The following PARP16 variants were observed in gnomAD, a reference collection of about 807,000 sequenced individuals.
PARP16 encodes poly(ADP-ribose) polymerase family member 16, also known as protein mono-ADP-ribosyltransferase PARP16.
In PARP16, 31 loss-of-function variants were observed where a neutral mutation model predicts 35.0. The ratio of observed to expected loss-of-function variants is 0.88; its 90% CI spans 0.66 to 1.19. The LOEUF (loss-of-function observed/expected upper bound fraction) is 1.19, where lower values mean the gene tolerates loss of function less well. Ranked by LOEUF, PARP16 falls within the 50% of genes most tolerant of loss-of-function variation. PARP16 has a pLI of 0.00. For missense variants in PARP16, 424 were observed against 411.2 expected, an observed-to-expected ratio of 1.03 and a Z score of -0.27; for synonymous variants, 162 against 169.5, an observed-to-expected ratio of 0.96 and a Z score of 0.34.
chr15:65,236,025 T>A (rs916275887), intron 3 of PARP16, among the ~76,000 whole-genome samples: 1 of 151,798 alleles, frequency 6.6e-6, no homozygotes, highest in African/African-American at 2.4e-5. Context: ...GCCCAGCTAT[T>A]TTTTTGTATT....
At chr15:65,269,486 G>A (rs961384521) in intron 2 of PARP16, among the ~76,000 whole-genome samples, 3 of 152,118 alleles carry the variant, frequency 2.0e-5, no homozygotes, top group East Asian at 1.9e-4. Context: ...ATGAGCTACC[G>A]CACCCAGCCA....
downstream of PARP16, among the ~76,000 whole-genome samples, chr15:65,255,773 AAG>A (rs1463856675): frequency 6.6e-6 from 1 of 151,798 alleles, no homozygotes; most frequent in Non-Finnish European, 1.5e-5. Context: ...AAAAAAAAAA[AAG>A]ACAGGGCTAG....
rs367808430 is a variant in PARP16, at chr15:65,239,955, C to CTTTTTTTTTTT, written c.*98-5143_*98-5133dup. ...ACAGGCGTGAGCCACCGCGTCTGAC[C>CTTTTTTTTTTT]TTTTTTTTTTTTTTTTTTTAAATAC... On this transcript the variant is annotated intron_variant and NMD_transcript_variant, in intron 3 of 3. Coordinates refer to the PARP16 transcript ENST00000559805. Among the ~76,000 whole-genome samples, 133 of 81,708 alleles carry CTTTTTTTTTTT rather than the reference C, an allele frequency of 1.6e-3. 11 individuals are homozygous for CTTTTTTTTTTT. The highest frequency in any genetic ancestry group is 5.1e-3 in the African/African-American group (87 of 17,132). 53.6% of individuals were successfully genotyped at this position (81,708 alleles called of 152,430 possible).
chr15:65,266,846 A>G (rs1430654592), intron 2 of PARP16, 78 bp from the exon 3 acceptor site: 5 of 1,004,790 alleles, frequency 5.0e-6, no homozygotes, highest in Non-Finnish European at 7.7e-6. Context: ...CTAAACTCTC[A>G]GGCTTAACTC....
chr15:65,286,480 G>GC lies in PARP16; in HGVS notation c.-55dup, dbSNP rs1459306105. ...ACGCGCTGGTTAGGGGCAAGGGCGA[G>GC]CGTGCGTTCAGCGCGGGGGCTGGGC... On this transcript the variant is annotated 5_prime_UTR_variant, in exon 1 of 6. Coordinates refer to ENST00000649807, the MANE Select transcript of PARP16 (RefSeq NM_001316943.2). 26 of 1,333,668 alleles carry GC rather than the reference G, an allele frequency of 1.9e-5. No homozygotes were observed. The East Asian group carries it at 5.1e-4, about 26-fold the overall frequency. 82.6% of individuals were successfully genotyped at this position (1,333,668 alleles called of 1,614,324 possible).
chr15:65,239,883 C>G (rs1322561684), intron 3 of PARP16, among the ~76,000 whole-genome samples: 1 of 149,586 alleles, frequency 6.7e-6, no homozygotes, highest in Middle Eastern at 3.4e-3. Flanking sequence ...GTCTCGATCT[C>G]CTGACTTCAT....
Position 65,259,226 on chromosome 15 carries a change from C to T in PARP16, c.*181G>A. The T allele has an allele frequency of 3.1e-6, 2 of 652,932 alleles. No individual in the cohort carries two copies. The highest frequency in any genetic ancestry group is 5.5e-6 in the Non-Finnish European group (2 of 362,396). The allele number at this position is 652,932 out of a possible 1,614,324, so 40.4% of individuals were successfully genotyped here. On this transcript the variant is annotated 3_prime_UTR_variant, in exon 6 of 6. Transcript: ENST00000649807. ...GTGAGGGACTAGTAGTCCCCGTTGA[C>T]TGGAGTATGGCTGGGAACATCATCA...
At chr15:65,279,902 T>C (rs1020751139) in intron 1 of PARP16, among the ~76,000 whole-genome samples, 1 of 151,672 alleles carries the variant, frequency 6.6e-6, no homozygotes, top group African/African-American at 2.4e-5. Context: ...TTTTCCTTAG[T>C]TTCCCACGTG....
At chr15:65,238,788 A>C (rs1006137545) in intron 3 of PARP16, among the ~76,000 whole-genome samples, 1 of 152,194 alleles carries the variant, frequency 6.6e-6, no homozygotes, top group Non-Finnish European at 1.5e-5. Flanking sequence ...CAAGCTTACA[A>C]TTTGCTAAGT....
intron 1 of PARP16, among the ~76,000 whole-genome samples, chr15:65,274,999 C>T (rs2090204366): frequency 6.6e-6 from 1 of 151,946 alleles, no homozygotes; most frequent in African/African-American, 2.4e-5. Context: ...ACCTGAATCC[C>T]AGCTACTCTG....
chr15:65,235,724 G>A (rs569438777), intron 3 of PARP16, among the ~76,000 whole-genome samples: 88 of 151,284 alleles, frequency 5.8e-4, no homozygotes, highest in African/African-American at 2.0e-3. Context: ...TGGGAGGATC[G>A]CCTGAGCCTG....
Position 65,242,176 on chromosome 15 carries a change from A to C in PARP16, c.*97+5941T>G, listed in dbSNP as rs543087354. Among the ~76,000 whole-genome samples, 16 of 152,322 alleles carry C rather than the reference A, an allele frequency of 1.1e-4. No homozygotes were observed. In the East Asian group the frequency reaches 3.1e-3, roughly 29 times the overall value. On this transcript the variant is annotated intron_variant and NMD_transcript_variant, in intron 3 of 3. Transcript: ENST00000559805. ...TCACCTTCATAAAAAATCAATTGAT[A>C]ATATGTGTATATCTCTATTTCTGGA...
At chr15:65,245,757 G>A (rs2089194393) in intron 3 of PARP16, among the ~76,000 whole-genome samples, 1 of 152,186 alleles carries the variant, frequency 6.6e-6, no homozygotes. Flanking sequence ...GAGGCGGCCT[G>A]TTTACTTACA....
chr15:65,238,805 A>G (rs755630468), intron 3 of PARP16, among the ~76,000 whole-genome samples: 3 of 152,228 alleles, frequency 2.0e-5, no homozygotes, highest in Non-Finnish European at 4.4e-5. Context: ...AAGTTTTGAC[A>G]TATACCCATG....
intron 1 of PARP16, among the ~76,000 whole-genome samples, chr15:65,283,539 C>T (rs2090483663): frequency 6.6e-6 from 1 of 152,184 alleles, no homozygotes; most frequent in Non-Finnish European, 1.5e-5. Flanking sequence ...GCTCACACCT[C>T]CTGGCTGACC....
intron 2 of PARP16, among the ~76,000 whole-genome samples, chr15:65,270,294 G>A (rs1285535862): frequency 1.3e-5 from 2 of 152,224 alleles, no homozygotes; most frequent in African/African-American, 4.8e-5. Flanking sequence ...GCCAGAAACT[G>A]TGCTGGGGGG....
rs1338302687 is a variant in PARP16, at chr15:65,263,287, T to C, written c.553A>G (p.Ser185Gly). ...SLFGEGTYLT[S>G]DLSLALIYSP... ...TATATGAGGGCCAGGCTCAAGTCACTGGTGAGGTAGGTCCCCTCTCCGAAC... is the reference window on the plus strand; with the variant it reads ...TATATGAGGGCCAGGCTCAAGTCACCGGTGAGGTAGGTCCCCTCTCCGAAC... Residue 185 changes from serine to glycine, a missense_variant, in exon 4 of 6, where the codon AGT becomes GGT. Coordinates refer to ENST00000649807, the MANE Select transcript of PARP16 (RefSeq NM_001316943.2). 2.5e-6 allele frequency: 4 copies of C among 1,608,070 alleles called. No individual in the cohort carries two copies. Among genetic ancestry groups the C allele is most frequent in the Non-Finnish European group, 3.4e-6 (4 of 1,176,886 alleles).
At chr15:65,252,962 T>C (rs1394826886) in intron 2 of PARP16, among the ~76,000 whole-genome samples, 1 of 152,040 alleles carries the variant, frequency 6.6e-6, no homozygotes, top group Non-Finnish European at 1.5e-5. Flanking sequence ...AACCTGTCTC[T>C]ACTACTAATA....
chr15:65,286,588 C>G lies in PARP16; in HGVS notation c.-162G>C. ...GGGGCTGAGATGACAGGGGTGAGAACGTGCCGACAAGTGTCCTCTGCCGGG... is the reference window on the plus strand; with the variant it reads ...GGGGCTGAGATGACAGGGGTGAGAAGGTGCCGACAAGTGTCCTCTGCCGGG... On this transcript the variant is annotated 5_prime_UTR_variant, in exon 1 of 6. Transcript: ENST00000649807. The G allele has an allele frequency of 2.0e-6, 1 of 511,156 alleles. No homozygotes were observed. The highest frequency in any genetic ancestry group is 2.9e-5 in the South Asian group (1 of 34,412). 31.7% of individuals were successfully genotyped at this position (511,156 alleles called of 1,614,324 possible).
Sources: allele counts gnomAD v4.1 joint callset (sites outside exome capture counted in the v4.1 genomes callset), GRCh38; gene constraint gnomAD v4.1.1; transcripts MANE v1.5; gene names NCBI Gene and HGNC (gene_info 2026-07-23, HGNC 2026-07-21).